The following KYNU variants were observed in gnomAD, a reference collection of about 807,000 sequenced individuals.
The protein encoded by KYNU is L-kynurenine hydrolase.
A neutral mutation model predicts 59.2 loss-of-function variants in KYNU; 54 were observed. That is an observed-to-expected ratio of 0.91 (90% confidence interval 0.73 to 1.14). The LOEUF (loss-of-function observed/expected upper bound fraction) is 1.14. Ranked by LOEUF, KYNU falls within the 50% of genes most tolerant of loss-of-function variation. The pLI, the probability that KYNU is intolerant of heterozygous loss-of-function variation, is 0.00. For synonymous variants in KYNU, 177 were observed against 192.0 expected, an observed-to-expected ratio of 0.92 and a Z score of 0.65; for missense variants, 567 against 554.4, an observed-to-expected ratio of 1.02 and a Z score of -0.23.
intron 10 of KYNU, among the ~76,000 whole-genome samples, chr2:143,023,013 T>C (rs1558980291): frequency 6.6e-6 from 1 of 151,978 alleles, no homozygotes; most frequent in Non-Finnish European, 1.5e-5. Flanking sequence ...TGCTTTATTT[T>C]AGATTTGTTT....
At chr2:142,921,398 G>T (rs1471277053) in intron 3 of KYNU, among the ~76,000 whole-genome samples, 1 of 152,156 alleles carries the variant, frequency 6.6e-6, no homozygotes, top group Non-Finnish European at 1.5e-5. Context: ...TTCTGTGGCT[G>T]CTCTTTGTTC....
rs1683466593 is a variant in KYNU at position 142,938,424 on chromosome 2, G to GAA, written c.373+10683_373+10684insAA. Among the ~76,000 whole-genome samples the GAA allele has an allele frequency of 2.0e-5, 3 of 152,192 alleles. 1 individual carries two copies. The South Asian group carries it at 6.2e-4, about 32-fold the overall frequency. On this transcript the variant is annotated intron_variant, in intron 4 of 13. Coordinates refer to ENST00000264170, the MANE Select transcript of KYNU (RefSeq NM_003937.3). ...GGAAGAAGATTTATGGACAGAAAAAGGAAAGTGACATACAGAGAAGGGAAG... is the reference window on the plus strand; with the variant it reads ...GGAAGAAGATTTATGGACAGAAAAAGAAGAAAGTGACATACAGAGAAGGGAAG...
intron 1 of KYNU, among the ~76,000 whole-genome samples, chr2:142,881,956 C>A (rs374068833): frequency 2.3e-5 from 3 of 131,362 alleles, no homozygotes; most frequent in African/African-American, 9.3e-5. Flanking sequence ...CATCTTGCTA[C>A]GTTGTCCAGA....
At chr2:142,906,678 A>T (rs947121895) in intron 2 of KYNU, among the ~76,000 whole-genome samples, 1 of 152,100 alleles carries the variant, frequency 6.6e-6, no homozygotes, top group Non-Finnish European at 1.5e-5. Flanking sequence ...GTAGATTCAG[A>T]GGTAAGGAGA....
intron 10 of KYNU, among the ~76,000 whole-genome samples, chr2:143,017,451 T>C (rs1024849518): frequency 7.0e-6 from 1 of 142,724 alleles, no homozygotes; most frequent in African/African-American, 2.6e-5. Flanking sequence ...TTTTTTTTTT[T>C]TTTTTTTGAG....
At chr2:142,952,016 GTGA>G (rs1472975552) in intron 4 of KYNU, among the ~76,000 whole-genome samples, 1 of 152,162 alleles carries the variant, frequency 6.6e-6, no homozygotes, top group Non-Finnish European at 1.5e-5. Context: ...AAAATTTTAG[GTGA>G]TTCAAAATGA....
intron 10 of KYNU, among the ~76,000 whole-genome samples, chr2:143,006,080 G>T (rs545071084): frequency 9.2e-5 from 14 of 152,108 alleles, no homozygotes; most frequent in Non-Finnish European, 1.8e-4. Flanking sequence ...GAACAGCTCC[G>T]GTCTACAGCT....
rs796911996 is a variant in KYNU, at chr2:142,889,575, C to T, written c.169+4039C>T. Reference sequence around the variant, plus strand: ...TTCTGAGGCCCTCTCAAATCTCCTTCAGTTCCAAGTACTCAGCATTCCAAG... The same window carrying T: ...TTCTGAGGCCCTCTCAAATCTCCTTTAGTTCCAAGTACTCAGCATTCCAAG... On this transcript the variant is annotated intron_variant, in intron 2 of 13. Transcript: ENST00000264170. 3.3e-5 allele frequency among the ~76,000 whole-genome samples: 5 copies of T among 152,064 alleles called. No homozygotes were observed. In the South Asian group the frequency reaches 1.0e-3, roughly 32 times the overall value.
chr2:143,013,265 T>C (rs982315118), intron 10 of KYNU, among the ~76,000 whole-genome samples: 1 of 152,014 alleles, frequency 6.6e-6, no homozygotes, highest in South Asian at 2.1e-4. Flanking sequence ...TCTCTCTCTC[T>C]CCCTGTCTCT....
At position 142,927,701 on chromosome 2, in the gene KYNU, A is replaced by G; in HGVS notation, c.333A>G (p.Thr111=). The change falls in exon 4 of 14, where the codon ACA becomes ACG. Residue 111 remains threonine (T), a synonymous_variant. Transcript: ENST00000264170. ...AAGTGGGGAAGCGTCCTTGGATTAC[A>G]GGAGATGAGAGTATTGTAGGCCTTA... The part of the protein sequence containing the change: ...GHEVGKRPWI[T]GDESIVGLMK... The G allele has an allele frequency of 6.2e-7, 1 of 1,613,362 alleles. No homozygotes were observed. Among genetic ancestry groups the G allele is most frequent in the South Asian group, 1.1e-5 (1 of 91,054 alleles).
chr2:142,927,834 A>C (rs1683093325), intron 4 of KYNU, 93 bp downstream of exon 4: 1 of 873,384 alleles, frequency 1.1e-6, no homozygotes, highest in Non-Finnish European at 1.9e-6. Flanking sequence ...AATCTTATTG[A>C]AGAACATAGT....
intron 8 of KYNU, among the ~76,000 whole-genome samples, chr2:142,976,181 G>A (rs1321478021): frequency 6.6e-6 from 1 of 152,132 alleles, no homozygotes; most frequent in Non-Finnish European, 1.5e-5. Flanking sequence ...TGCTGGAGGG[G>A]GCCACATGCT....
intron 2 of KYNU, among the ~76,000 whole-genome samples, chr2:142,906,018 CTCTG>C (rs748718763): frequency 5.9e-5 from 9 of 151,964 alleles, no homozygotes; most frequent in Non-Finnish European, 1.2e-4. Context: ...TCTCTCTCCT[CTCTG>C]TCTCTTTCTC....
rs1002067749 is a variant in KYNU at position 143,050,144 on chromosome 2, A to T, written c.*7972A>T. On this transcript the variant is annotated 3_prime_UTR_variant, in exon 14 of 14. Coordinates refer to ENST00000264170, the MANE Select transcript of KYNU (RefSeq NM_003937.3). The stretch of plus-strand genomic sequence containing the variant: ...ATAATTAAATATATATTTAAATAAT[A>T]TAAATATAATAAATATTTGAAGCAA... The T allele has an allele frequency of 7.4e-5, 11 of 149,480 alleles. No individual in the cohort carries two copies. The highest frequency in any genetic ancestry group is 3.3e-3 in the Middle Eastern group (1 of 304). 9.3% of individuals were successfully genotyped at this position (149,480 alleles called of 1,614,324 possible).
intron 2 of KYNU, among the ~76,000 whole-genome samples, chr2:142,893,826 G>C (rs1370270029): frequency 6.6e-6 from 1 of 152,028 alleles, no homozygotes; most frequent in African/African-American, 2.4e-5. Context: ...TACTCTCTAA[G>C]GATATATTGG....
chr2:142,945,937 C>T (rs1252771434), intron 4 of KYNU, among the ~76,000 whole-genome samples: 1 of 151,834 alleles, frequency 6.6e-6, no homozygotes, highest in African/African-American at 2.4e-5. Context: ...GGGGTTTCAC[C>T]ATGTTGACCA....
intron 4 of KYNU, among the ~76,000 whole-genome samples, chr2:142,952,117 C>T (rs1030591166): frequency 1.3e-5 from 2 of 152,188 alleles, no homozygotes; most frequent in Non-Finnish European, 2.9e-5. Flanking sequence ...GAATCTCCCT[C>T]TGTCACCCTG....
Position 143,043,861 on chromosome 2 carries a change from G to A in KYNU, c.*1689G>A, listed in dbSNP as rs1196396556. On this transcript the variant is annotated 3_prime_UTR_variant, in exon 14 of 14. Coordinates refer to ENST00000264170, the MANE Select transcript of KYNU (RefSeq NM_003937.3). ...AAATATATATATATTTATACTTTAA[G>A]TTCTTGGATACACGTGCAGAACATG... 2.7e-5 allele frequency: 4 copies of A among 147,726 alleles called. No individual in the cohort carries two copies. In the East Asian group the frequency reaches 7.9e-4, roughly 29 times the overall value. The allele number at this position is 147,726 out of a possible 1,614,324, so 9.2% of individuals were successfully genotyped here.
intron 2 of KYNU, among the ~76,000 whole-genome samples, chr2:142,899,159 G>A (rs1558908508): frequency 6.6e-6 from 1 of 152,142 alleles, no homozygotes; most frequent in Admixed American, 6.5e-5. Flanking sequence ...CGGACCAGAA[G>A]AGCGTGCAGT....
Sources: allele counts gnomAD v4.1 joint callset (sites outside exome capture counted in the v4.1 genomes callset), GRCh38; gene constraint gnomAD v4.1.1; transcripts MANE v1.5; gene names NCBI Gene and HGNC (gene_info 2026-07-23, HGNC 2026-07-21).